The following MUC5AC variants were observed in gnomAD, a reference collection of about 807,000 sequenced individuals.
The protein encoded by MUC5AC is mucin-5AC.
MUC5AC carries 158 observed loss-of-function variants against 169.7 expected under a neutral mutation model. That is an observed-to-expected ratio of 0.93 (90% CI 0.82 to 1.06). The LOEUF (loss-of-function observed/expected upper bound fraction) is 1.06. Among genes scored for constraint, MUC5AC ranks in the 50% least tolerant of loss-of-function variants. MUC5AC has a pLI of 0.00. For missense variants in MUC5AC, 4,359 were observed against 3,089.9 expected (o/e 1.41, Z -9.74); for synonymous variants, 1,975 against 1,237.0 (o/e 1.60, Z -12.52).
Position 1,182,372 on chromosome 11 carries a change from A to G in MUC5AC, c.4227A>G (p.Thr1409=). 2.5e-6 allele frequency: 1 copy of G among 398,476 alleles called. No individual in the cohort carries two copies. Among genetic ancestry groups the G allele is most frequent in the Non-Finnish European group, 4.4e-6 (1 of 225,976 alleles). The allele number at this position is 398,476 out of a possible 1,614,324, so 24.7% of individuals were successfully genotyped here. A position where few individuals can be genotyped will look rare whatever the true frequency, so the allele number is the denominator to read the frequency against. The change falls in exon 31 of 49, where the codon ACA becomes ACG. Residue 1409 remains threonine, a synonymous_variant. Transcript: ENST00000621226. ...GCACGGACAGCGGTGACTTCGACAC[A>G]CTGGAGAACCTCCGCGCCCATGGGT... ...GRGTDSGDFD[T]LENLRAHGYR... is the part of the protein sequence containing the mutation.
chr11:1,165,207 C>A, intron 9 of MUC5AC, 95 bp from the exon 10 acceptor site: 1 of 1,198,100 alleles, frequency 8.3e-7, no homozygotes, highest in Admixed American at 2.2e-5. Context: ...CTGGCTGAGG[C>A]CCCAGCTCGC....
At position 1,180,129 on chromosome 11, in the gene MUC5AC, C is replaced by G; in HGVS notation, c.3592C>G (p.Arg1198Gly). 1 of 398,196 alleles carries G rather than the reference C, an allele frequency of 2.5e-6. No homozygotes were observed. The highest frequency in any genetic ancestry group is 3.6e-5 in the East Asian group (1 of 27,992). 24.7% of individuals were successfully genotyped at this position (398,196 alleles called of 1,614,324 possible). A position where few individuals can be genotyped will look rare whatever the true frequency, so the allele number is the denominator to read the frequency against. ...CCGGAACCCCCGTGGAGACTGCCTGCGGGACGTCCGGGGCCTGGAAGGTGG... is the reference window on the plus strand; with the variant it reads ...CCGGAACCCCCGTGGAGACTGCCTGGGGGACGTCCGGGGCCTGGAAGGTGG... Reference protein sequence around the residue: ...TCRNPRGDCLRDVRGLEGCYP... With the variant: ...TCRNPRGDCLGDVRGLEGCYP... Residue 1198 changes from arginine to glycine, a missense_variant, in exon 27 of 49, where the codon CGG becomes GGG. By Grantham distance (125) the Arg-to-Gly change is moderately radical. Coordinates refer to ENST00000621226, the MANE Select transcript of MUC5AC (RefSeq NM_001304359.2).
At chr11:1,172,823 C>T (rs1860579222) in intron 16 of MUC5AC, among the ~76,000 whole-genome samples, 1 of 151,794 alleles carries the variant, frequency 6.6e-6, no homozygotes, top group African/African-American at 2.4e-5. Flanking sequence ...TTTACCCACT[C>T]ACCCATTCAC....
intron 16 of MUC5AC, among the ~76,000 whole-genome samples, chr11:1,174,191 G>A (rs1860619541): frequency 6.6e-6 from 1 of 152,264 alleles, no homozygotes; most frequent in Non-Finnish European, 1.5e-5. Context: ...ATGAGAATTA[G>A]GCCAAGGCTG....
chr11:1,161,869 G>A (rs1399673213), intron 3 of MUC5AC, 38 bp from the exon 4 acceptor site: 4 of 1,592,978 alleles, frequency 2.5e-6, no homozygotes, highest in Non-Finnish European at 1.7e-6. Context: ...GCGAGGATGA[G>A]GGCGACGCCC....
In MUC5AC at chr11:1,200,784, T is replaced by C; in HGVS notation, c.*82T>C. The C allele has an allele frequency of 1.5e-6, 1 of 665,372 alleles. No individual in the cohort carries two copies. Among genetic ancestry groups the C allele is most frequent in the Non-Finnish European group, 2.7e-6 (1 of 367,282 alleles). The allele number at this position is 665,372 out of a possible 1,614,324, so 41.2% of individuals were successfully genotyped here. On this transcript the variant is annotated 3_prime_UTR_variant, in exon 49 of 49. Coordinates refer to ENST00000621226, the MANE Select transcript of MUC5AC (RefSeq NM_001304359.2). ...CGGCTTCCAAGGCCAGTGGAACTTG[T>C]GCCCCTGTCCAGGCGGCTGCAGCTT...
In MUC5AC at chr11:1,177,294, T is replaced by C; in HGVS notation, c.2857T>C (p.Cys953Arg). ...SFRVVTENVP[C>R]GTTGTTCSKA... ...TCGTGTTGTCACCGAGAACGTCCCC[T>C]GCGGCACCACAGGGACCACCTGCTC... The change falls in exon 23 of 49, where the codon TGC becomes CGC. Residue 953 changes from cysteine to arginine, a missense_variant. Coordinates refer to ENST00000621226, the MANE Select transcript of MUC5AC (RefSeq NM_001304359.2). 2.2e-6 allele frequency: 1 copy of C among 455,296 alleles called. No homozygotes were observed. The highest frequency in any genetic ancestry group is 3.9e-6 in the Non-Finnish European group (1 of 255,982). The allele number at this position is 455,296 out of a possible 1,614,324, so 28.2% of individuals were successfully genotyped here.
chr11:1,191,195 CACCAGCACAACCTCTGCTCCTACA>C lies in MUC5AC; in HGVS notation c.13068_13091del (p.Pro4357_Ala4364del), dbSNP rs1861088222. 2.7e-6 allele frequency: 2 copies of C among 736,308 alleles called. No homozygotes were observed. The highest frequency in any genetic ancestry group is 5.0e-6 in the Non-Finnish European group (2 of 403,004). The allele number at this position is 736,308 out of a possible 1,614,324, so 45.6% of individuals were successfully genotyped here. On this transcript the variant is annotated inframe_deletion, in exon 31 of 49. Transcript: ENST00000621226. The stretch of plus-strand genomic sequence containing the variant: ...GAAGTACTCCCAGCCCTGTTCCCAC[CACCAGCACAACCTCTGCTCCTACA>C]ACCAGCACAACCTCTGCCTCTACAG...
chr11:1,179,268 T>G lies in MUC5AC; in HGVS notation c.3484+20T>G. The G allele has an allele frequency of 1.9e-6, 1 of 534,384 alleles. No individual in the cohort carries two copies. The highest frequency in any genetic ancestry group is 3.0e-5 in the East Asian group (1 of 33,088). The allele number at this position is 534,384 out of a possible 1,614,324, so 33.1% of individuals were successfully genotyped here. ...TCTGCCGTGAGTGCGAGTGGGCACC[T>G]GGGGAAGAACAGGAAGCGCCGGCAG... On this transcript the variant is annotated intron_variant, in intron 26 of 48. Transcript: ENST00000621226.
intron 15 of MUC5AC, among the ~76,000 whole-genome samples, chr11:1,170,489 T>C (rs1442826837): frequency 3.1e-5 from 3 of 98,036 alleles, no homozygotes; most frequent in Admixed American, 1.0e-4. Context: ...ACTCACCCAC[T>C]CACTCACCCA....
rs1860936889 is a variant in MUC5AC, at chr11:1,186,100, C to T, written c.7955C>T (p.Thr2652Ile). The T allele has an allele frequency of 9.4e-6, 7 of 748,586 alleles. No individual in the cohort carries two copies. The highest frequency in any genetic ancestry group is 8.3e-5 in the South Asian group (6 of 72,094). 46.4% of individuals were successfully genotyped at this position (748,586 alleles called of 1,614,324 possible). ...ASTTSASTTS[T>I]TSGPGTTPSP... Reference sequence around the variant, plus strand: ...ACAACCTCTGCTTCTACAACTAGCACAACCTCTGGTCCTGGAACTACTCCC... The same window carrying T: ...ACAACCTCTGCTTCTACAACTAGCATAACCTCTGGTCCTGGAACTACTCCC... The change falls in exon 31 of 49, where the codon ACA becomes ATA. Residue 2652 changes from threonine to isoleucine, a missense_variant. Physicochemically the swap from Thr to Ile is moderately conservative, Grantham distance 89 (BLOSUM62 -1). Transcript: ENST00000621226.
chr11:1,189,042 G>A lies in MUC5AC; in HGVS notation c.10897G>A (p.Ala3633Thr). ...CCCCGTGACCTCCACATCTGTGACAGCTCCTAGCACCCCTAGTGGGAGAGC... is the reference window on the plus strand; with the variant it reads ...CCCCGTGACCTCCACATCTGTGACAACTCCTAGCACCCCTAGTGGGAGAGC... ...GCPVTSTSVT[A>T]PSTPSGRATS... The change falls in exon 31 of 49, where the codon GCT (alanine) becomes ACT (threonine). Residue 3633 changes from alanine (A) to threonine (T), a missense_variant. By Grantham distance (58) the Ala-to-Thr change is moderately conservative (BLOSUM62 0). Coordinates refer to ENST00000621226, the MANE Select transcript of MUC5AC (RefSeq NM_001304359.2). 1.5e-6 allele frequency: 1 copy of A among 659,234 alleles called. No individual in the cohort carries two copies. Among genetic ancestry groups the A allele is most frequent in the Admixed American group, 2.3e-5 (1 of 43,216 alleles). The allele number at this position is 659,234 out of a possible 1,614,324, so 40.8% of individuals were successfully genotyped here.
At chr11:1,168,200 C>A (rs1389740259) in intron 12 of MUC5AC, among the ~76,000 whole-genome samples, 2 of 152,202 alleles carry the variant, frequency 1.3e-5, no homozygotes, top group African/African-American at 4.8e-5. Flanking sequence ...CATACCTGAC[C>A]CAAGGGGCCC....
Position 1,198,941 on chromosome 11 carries a change from CG to C in MUC5AC, c.16243del (p.Asp5415ThrfsTer64). 2.6e-6 allele frequency: 2 copies of C among 762,828 alleles called. No individual in the cohort carries two copies. The highest frequency in any genetic ancestry group is 4.8e-6 in the Non-Finnish European group (2 of 417,040). 47.3% of individuals were successfully genotyped at this position (762,828 alleles called of 1,614,324 possible). On this transcript the variant is annotated frameshift_variant, in exon 44 of 49. Transcript: ENST00000621226. LOFTEE classifies it high-confidence loss of function. ...CRCELPGGPPSDAFVVSCETQ... is the reference protein window; with the variant it reads ...CRCELPGGPPXDAFVVSCETQ... ...TGTGAGCTGCCGGGTGGCCCCCCATCGGACGCGTTTGTGGTCAGCTGTGAGA... is the reference window on the plus strand; with the variant it reads ...TGTGAGCTGCCGGGTGGCCCCCCATCGACGCGTTTGTGGTCAGCTGTGAGA...
In MUC5AC at chr11:1,186,711, C is replaced by G. The variant is rs1396776672; in HGVS notation, c.8566C>G (p.Pro2856Ala). 1.2e-5 allele frequency: 9 copies of G among 731,656 alleles called. No homozygotes were observed. The highest frequency in any genetic ancestry group is 7.4e-5 in the Admixed American group (4 of 53,730). The allele number at this position is 731,656 out of a possible 1,614,324, so 45.3% of individuals were successfully genotyped here. The change falls in exon 31 of 49, where the codon CCT becomes GCT. Residue 2856 changes from proline (P) to alanine (A), a missense_variant. Coordinates refer to ENST00000621226, the MANE Select transcript of MUC5AC (RefSeq NM_001304359.2). ...SAPTTSTTSA[P>A]TTRTTSVPTS... ...CCCTACAACCAGCACAACCTCTGCC[C>G]CTACAACCAGAACAACCTCTGTCCC...
chr11:1,171,602 C>T (rs1299080114), intron 15 of MUC5AC, among the ~76,000 whole-genome samples: 4 of 142,522 alleles, frequency 2.8e-5, no homozygotes, highest in Non-Finnish European at 6.1e-5. Flanking sequence ...CCCACTCACT[C>T]ACCCATTCAC....
chr11:1,182,869 C>A lies in MUC5AC; in HGVS notation c.4724C>A (p.Ser1575Tyr), dbSNP rs1860846994. ...SKPTPTEPST[S>Y]SCLQELCTWT... is the part of the protein sequence containing the mutation. The stretch of plus-strand genomic sequence containing the variant: ...CCCACCCCCACGGAGCCCAGCACAT[C>A]CTCCTGCCTGCAGGAGCTTTGCACC... Residue 1575 changes from serine (S) to tyrosine (Y), a missense_variant, in exon 31 of 49, where the codon TCC becomes TAC. Transcript: ENST00000621226. 2.5e-6 allele frequency: 1 copy of A among 398,520 alleles called. No individual in the cohort carries two copies. Among genetic ancestry groups the A allele is most frequent in the Non-Finnish European group, 4.4e-6 (1 of 226,092 alleles). 24.7% of individuals were successfully genotyped at this position (398,520 alleles called of 1,614,324 possible).
chr11:1,175,306 C>T (rs1251155709), intron 19 of MUC5AC, 36 bp downstream of exon 19: 3 of 398,504 alleles, frequency 7.5e-6, no homozygotes, highest in Non-Finnish European at 1.3e-5. Flanking sequence ...GGCCCCCAGC[C>T]TCCTCATCTC....
chr11:1,190,585 CTGGTCCTA>C lies in MUC5AC; in HGVS notation c.12441_12448del (p.Gly4148AsnfsTer162). On this transcript the variant is annotated frameshift_variant, in exon 31 of 49. Transcript: ENST00000621226. LOFTEE classifies it high-confidence loss of function. Reference sequence around the variant, plus strand: ...TCAGCTCCTACACACAGAACGACTTCTGGTCCTACAACCAGCACAACCTTGGCTCCTAC... The same window carrying C: ...TCAGCTCCTACACACAGAACGACTTCCAACCAGCACAACCTTGGCTCCTAC... 1.4e-6 allele frequency: 1 copy of C among 695,798 alleles called. No homozygotes were observed. Among genetic ancestry groups the C allele is most frequent in the Non-Finnish European group, 2.6e-6 (1 of 381,306 alleles). The allele number at this position is 695,798 out of a possible 1,614,324, so 43.1% of individuals were successfully genotyped here.
Sources: allele counts gnomAD v4.1 joint callset (sites outside exome capture counted in the v4.1 genomes callset), GRCh38; gene constraint gnomAD v4.1.1; transcripts MANE v1.5; gene names NCBI Gene and HGNC (gene_info 2026-07-23, HGNC 2026-07-21).